The following VPS41 variants were observed in gnomAD, a reference collection of about 807,000 sequenced individuals.
VPS41 encodes the protein vacuolar protein sorting-associated protein 41 homolog.
Under a neutral mutation model 130.9 loss-of-function variants are expected in VPS41, and 85 were observed. The observed-to-expected ratio is 0.65, with a 90% CI of 0.55 to 0.78. VPS41 has a LOEUF of 0.78. Ranked by LOEUF, VPS41 falls within the 30% of genes least tolerant of loss-of-function variation. VPS41 has a pLI of 0.00. For synonymous variants in VPS41, 335 were observed against 332.9 expected, an observed-to-expected ratio of 1.01 and a Z score of -0.07; for missense variants, 874 against 1,018.7, an observed-to-expected ratio of 0.86 and a Z score of 1.93.
intron 4 of VPS41, among the ~76,000 whole-genome samples, chr7:38,860,114 T>C (rs1223520667): frequency 6.6e-6 from 1 of 152,186 alleles, no homozygotes; most frequent in Non-Finnish European, 1.5e-5. Flanking sequence ...TATACAGCCA[T>C]GGGAATAACC....
At chr7:38,820,033 CAT>C (rs1324513041) in intron 6 of VPS41, among the ~76,000 whole-genome samples, 1 of 152,126 alleles carries the variant, frequency 6.6e-6, no homozygotes, top group African/African-American at 2.4e-5. Flanking sequence ...CTTACTCAAA[CAT>C]ACCCTACTGC....
intron 5 of VPS41, among the ~76,000 whole-genome samples, chr7:38,825,173 G>A (rs896042922): frequency 3.9e-5 from 6 of 152,226 alleles, no homozygotes; most frequent in African/African-American, 1.4e-4. Context: ...AGTAACTGCT[G>A]AAGGTGGCAA....
chr7:38,860,751 G>A (rs1436118802), intron 4 of VPS41, among the ~76,000 whole-genome samples: 5 of 144,946 alleles, frequency 3.4e-5, no homozygotes, highest in Admixed American at 1.4e-4. Flanking sequence ...GTGGACATAC[G>A]CATCGCAAGC....
chr7:38,872,105 A>G (rs923167536), intron 2 of VPS41, among the ~76,000 whole-genome samples: 1 of 152,220 alleles, frequency 6.6e-6, no homozygotes, highest in Non-Finnish European at 1.5e-5. Context: ...GGCTGTAACT[A>G]TCAGAAGGCC....
chr7:38,885,592 C>T (rs1786708020), intron 2 of VPS41, among the ~76,000 whole-genome samples: 1 of 152,160 alleles, frequency 6.6e-6, no homozygotes, highest in Non-Finnish European at 1.5e-5. Context: ...AAATATACTA[C>T]CTGATAGGAC....
At chr7:38,883,433 T>A (rs979463214) in intron 2 of VPS41, among the ~76,000 whole-genome samples, 3 of 152,098 alleles carry the variant, frequency 2.0e-5, no homozygotes, top group Non-Finnish European at 4.4e-5. Context: ...CCTATGAGAC[T>A]TTTTCCTCAA....
At chr7:38,730,450 C>A (rs1330366613) in intron 25 of VPS41, among the ~76,000 whole-genome samples, 2 of 152,152 alleles carry the variant, frequency 1.3e-5, no homozygotes, top group Non-Finnish European at 2.9e-5. Flanking sequence ...GATTAAAGTT[C>A]TATGCCTGCC....
intron 4 of VPS41, among the ~76,000 whole-genome samples, chr7:38,857,178 T>C (rs1306163413): frequency 1.3e-5 from 2 of 152,240 alleles, no homozygotes; most frequent in Non-Finnish European, 2.9e-5. Flanking sequence ...TTCTGCTACC[T>C]GACAAGGAGA....
intron 1 of VPS41, among the ~76,000 whole-genome samples, chr7:38,901,601 G>C (rs186105614): frequency 6.6e-6 from 1 of 152,216 alleles, no homozygotes; most frequent in Non-Finnish European, 1.5e-5. Flanking sequence ...CCAAGCCATC[G>C]TGAGAGATCT....
intron 7 of VPS41, among the ~76,000 whole-genome samples, chr7:38,809,437 C>T (rs1784900591): frequency 6.7e-6 from 1 of 150,250 alleles, no homozygotes; most frequent in African/African-American, 2.4e-5. Flanking sequence ...ATAACATGGG[C>T]AAAAGAAATA....
intron 25 of VPS41, among the ~76,000 whole-genome samples, chr7:38,738,434 T>C (rs1456615174): frequency 6.6e-6 from 1 of 152,184 alleles, no homozygotes; most frequent in South Asian, 2.1e-4. Context: ...GTTGTGAAGA[T>C]TAAATGTTTG....
At chr7:38,776,870 C>T in intron 10 of VPS41, 94 bp from the exon 11 acceptor site, 1 of 634,542 alleles carries the variant, frequency 1.6e-6, no homozygotes, top group South Asian at 2.2e-5. Context: ...CTAGTGGACC[C>T]CTTTTTAAAA....
In VPS41 at chr7:38,772,671, ACT is replaced by A. The variant is rs764659961; in HGVS notation, c.1013-36_1013-35del. The A allele has an allele frequency of 4.1e-6, 6 of 1,480,658 alleles. No individual in the cohort carries two copies. In the South Asian group the frequency reaches 6.9e-5, roughly 17 times the overall value. The allele number at this position is 1,480,658 out of a possible 1,614,324, so 91.7% of individuals were successfully genotyped here. On this transcript the variant is annotated intron_variant, in intron 12 of 28. Coordinates refer to ENST00000310301, the MANE Select transcript of VPS41 (RefSeq NM_014396.4). The stretch of plus-strand genomic sequence containing the variant: ...GAGAAAAGAGAGGAACGACTTGGTG[ACT>A]GAACAGCAGAAAACTTGGCAATGGT...
At chr7:38,780,228 A>G (rs1019761730) in intron 10 of VPS41, among the ~76,000 whole-genome samples, 1 of 146,174 alleles carries the variant, frequency 6.8e-6, no homozygotes. Context: ...CAGAGTTCCT[A>G]AAGGTAGCCA....
intron 4 of VPS41, among the ~76,000 whole-genome samples, chr7:38,845,046 CA>C (rs1785693987): frequency 6.6e-6 from 1 of 152,136 alleles, no homozygotes; most frequent in African/African-American, 2.4e-5. Context: ...TTTAAAAGCA[CA>C]GGGAGGATTT....
Position 38,869,135 on chromosome 7 carries a change from T to A in VPS41, c.168+11A>T. 1 of 1,525,394 alleles carries A rather than the reference T, an allele frequency of 6.6e-7. No homozygotes were observed. The highest frequency in any genetic ancestry group is 1.4e-5 in the African/African-American group (1 of 72,468). The allele number at this position is 1,525,394 out of a possible 1,614,324, so 94.5% of individuals were successfully genotyped here. The stretch of plus-strand genomic sequence containing the variant: ...AATTTACAGAAGAATCCTCTGAAAG[T>A]GCTATCTTACCTTGTCATGGACTGT... On this transcript the variant is annotated intron_variant, in intron 3 of 28. Coordinates refer to ENST00000310301, the MANE Select transcript of VPS41 (RefSeq NM_014396.4).
chr7:38,785,274 C>T (rs1391739371), intron 10 of VPS41, among the ~76,000 whole-genome samples: 2 of 152,150 alleles, frequency 1.3e-5, no homozygotes, highest in African/African-American at 4.8e-5. Flanking sequence ...GAAGCAGACA[C>T]ATTAAAGTAA....
At chr7:38,897,526 T>C (rs1394584993) in intron 2 of VPS41, among the ~76,000 whole-genome samples, 4 of 151,608 alleles carry the variant, frequency 2.6e-5, no homozygotes, top group Non-Finnish European at 5.9e-5. Flanking sequence ...GCGCCTGTAG[T>C]CCCAGTTACT....
At chr7:38,758,612 A>G (rs1783852697) in intron 17 of VPS41, 131 bp from the exon 18 acceptor site, 1 of 925,936 alleles carries the variant, frequency 1.1e-6, no homozygotes, top group Non-Finnish European at 1.6e-6. Context: ...AATCTCTAAA[A>G]TGATGTGTCT....
Sources: allele counts gnomAD v4.1 joint callset (sites outside exome capture counted in the v4.1 genomes callset), GRCh38; gene constraint gnomAD v4.1.1; transcripts MANE v1.5; gene names NCBI Gene and HGNC (gene_info 2026-07-23, HGNC 2026-07-21).